BZW2: variants seen among roughly 807,000 people sequenced by gnomAD.
BZW2 encodes the protein eIF5-mimic protein 1.
Under a neutral mutation model 53.2 loss-of-function variants are expected in BZW2, and 23 were observed. The observed-to-expected ratio is 0.43, with a 90% CI of 0.31 to 0.61. The LOEUF (loss-of-function observed/expected upper bound fraction) is 0.61. Among genes scored for constraint, BZW2 ranks in the 20% least tolerant of loss-of-function variants. The probability of loss-of-function intolerance (pLI) is 0.09; values close to 1 mark genes in which losing one functional copy is unlikely to be tolerated. For missense variants in BZW2, 409 were observed against 503.1 expected (o/e 0.81, Z 1.79); for synonymous variants, 227 against 186.4 (o/e 1.22, Z -1.77).
intron 3 of BZW2, among the ~76,000 whole-genome samples, chr7:16,675,926 C>T (rs1782750347): frequency 6.6e-6 from 1 of 152,000 alleles, no homozygotes; most frequent in Non-Finnish European, 1.5e-5. Flanking sequence ...TAAAAAAATA[C>T]AAAATTTAAC....
intron 5 of BZW2, 22 bp downstream of exon 5, chr7:16,682,867 C>G (rs1782993153): frequency 6.0e-6 from 9 of 1,505,520 alleles, no homozygotes; most frequent in African/African-American, 2.8e-5. Flanking sequence ...AATATAATGC[C>G]TATCTGTTTT....
chr7:16,676,661 C>CT (rs1325326737), intron 3 of BZW2, among the ~76,000 whole-genome samples: 1 of 152,132 alleles, frequency 6.6e-6, no homozygotes, highest in Non-Finnish European at 1.5e-5. Flanking sequence ...CATTTTAAAA[C>CT]TTTAATAGTG....
At chr7:16,687,852 A>G (rs1294730694) in intron 6 of BZW2, among the ~76,000 whole-genome samples, 5 of 152,194 alleles carry the variant, frequency 3.3e-5, no homozygotes, top group Non-Finnish European at 7.3e-5. Flanking sequence ...TCTCAGTTTT[A>G]GGCTCCTAGT....
intron 1 of BZW2, among the ~76,000 whole-genome samples, chr7:16,650,889 A>G (rs1421148973): frequency 6.6e-6 from 1 of 152,214 alleles, no homozygotes; most frequent in Non-Finnish European, 1.5e-5. Flanking sequence ...TTTGTAAACT[A>G]TCTATTTTGA....
chr7:16,654,083 C>CAAAAAAAAAAAAAAAAAAAAAAAAA (rs61590306), intron 1 of BZW2, among the ~76,000 whole-genome samples: 1 of 82,534 alleles, frequency 1.2e-5, no homozygotes, highest in Admixed American at 1.8e-4. Context: ...CCCATCTCTA[C>CAAAAAAAAAAAAAAAAAAAAAAAAA]AAAAAAAAAA....
intron 3 of BZW2, among the ~76,000 whole-genome samples, chr7:16,674,851 C>T (rs867284421): frequency 4.6e-5 from 7 of 152,206 alleles, no homozygotes; most frequent in East Asian, 3.9e-4. Flanking sequence ...TCCTAAAAGC[C>T]GCCTTTCTCA....
intron 2 of BZW2, among the ~76,000 whole-genome samples, chr7:16,668,087 C>A (rs1782485107): frequency 1.3e-5 from 2 of 152,150 alleles, no homozygotes; most frequent in African/African-American, 4.8e-5. Context: ...CTAATATATG[C>A]CCAGCTATGA....
intron 7 of BZW2, among the ~76,000 whole-genome samples, chr7:16,691,613 G>A (rs149852875): frequency 6.6e-6 from 1 of 152,332 alleles, no homozygotes; most frequent in Non-Finnish European, 1.5e-5. Context: ...CCTGGCAATA[G>A]ATTGGGAAAA....
intron 1 of BZW2, among the ~76,000 whole-genome samples, chr7:16,660,134 C>T (rs1782216413): frequency 6.6e-6 from 1 of 152,006 alleles, no homozygotes; most frequent in East Asian, 1.9e-4. Flanking sequence ...TTTCCAGCTT[C>T]ATCCATGTCC....
intron 1 of BZW2, among the ~76,000 whole-genome samples, 190 bp downstream of exon 1, chr7:16,646,478 G>A (rs1018598776): frequency 1.2e-4 from 18 of 152,100 alleles, no homozygotes; most frequent in African/African-American, 3.9e-4. Flanking sequence ...GGGTATCAGT[G>A]CCCTGGGATG....
intron 6 of BZW2, 150 bp from the exon 7 acceptor site, chr7:16,689,647 A>C (rs1319277448): frequency 8.2e-6 from 4 of 487,900 alleles, no homozygotes; most frequent in Non-Finnish European, 1.4e-5. Flanking sequence ...TGAGAAGAGG[A>C]GAATTTGCCT....
intron 5 of BZW2, among the ~76,000 whole-genome samples, chr7:16,683,320 A>G (rs1308425196): frequency 6.6e-6 from 1 of 152,262 alleles, no homozygotes; most frequent in Admixed American, 6.5e-5. Flanking sequence ...AGTATGAAAG[A>G]TCATTAGCTA....
intron 1 of BZW2, among the ~76,000 whole-genome samples, chr7:16,654,374 A>T (rs573381956): frequency 2.6e-5 from 4 of 152,252 alleles, no homozygotes; most frequent in African/African-American, 9.6e-5. Flanking sequence ...GATGACTTTT[A>T]AAATAAAGAT....
At chr7:16,673,549 C>A (rs904899604) in intron 2 of BZW2, among the ~76,000 whole-genome samples, 4 of 152,086 alleles carry the variant, frequency 2.6e-5, no homozygotes, top group African/African-American at 9.6e-5. Context: ...TAAATAAATA[C>A]TATAAAATGT....
rs200606385 is a variant in BZW2, at chr7:16,682,879, T to C, written c.405+34T>C. On this transcript the variant is annotated intron_variant, in intron 5 of 11. Transcript: ENST00000258761. ...TCAAATATAATGCCTATCTGTTTTA[T>C]AGTAATGACATGGGGGTGGATAAAA... is the stretch of plus-strand genomic sequence containing the variant. 6 of 1,442,318 alleles carry C rather than the reference T, an allele frequency of 4.2e-6. No homozygotes were observed. In the African/African-American group the frequency reaches 4.3e-5, roughly 10 times the overall value. 89.3% of individuals were successfully genotyped at this position (1,442,318 alleles called of 1,614,324 possible). A position where few individuals can be genotyped will look rare whatever the true frequency, so the allele number is the denominator to read the frequency against.
intron 1 of BZW2, among the ~76,000 whole-genome samples, chr7:16,660,114 A>G (rs932367484): frequency 6.6e-6 from 1 of 151,442 alleles, no homozygotes; most frequent in African/African-American, 2.4e-5. Flanking sequence ...TAGTTTGCTG[A>G]GAATGATGGT....
rs1554264390 is a variant in BZW2, at chr7:16,656,137, C to CTATATATATATATATATATA, written c.-7-9286_-7-9285insTATATATATATATATATATA. ...TATATGTGTGTATATATATAAATGACTATATATATATATACATAAATATTT... is the reference window on the plus strand; with the variant it reads ...TATATGTGTGTATATATATAAATGACTATATATATATATATATATATATATATATATATACATAAATATTT... On this transcript the variant is annotated intron_variant, in intron 1 of 11. Coordinates refer to ENST00000258761, the MANE Select transcript of BZW2 (RefSeq NM_014038.3). Among the ~76,000 whole-genome samples, 211 of 141,506 alleles carry CTATATATATATATATATATA rather than the reference C, an allele frequency of 1.5e-3. 2 individuals carry two copies. Among genetic ancestry groups the CTATATATATATATATATATA allele is most frequent in the African/African-American group, 5.1e-3 (176 of 34,526 alleles). 92.8% of individuals were successfully genotyped at this position (141,506 alleles called of 152,430 possible). A position where few individuals can be genotyped will look rare whatever the true frequency, so the allele number is the denominator to read the frequency against.
intron 8 of BZW2, 57 bp downstream of exon 8, chr7:16,695,061 G>A: frequency 6.9e-7 from 1 of 1,439,226 alleles, no homozygotes; most frequent in Non-Finnish European, 9.3e-7. Context: ...GAATTACATG[G>A]GCTGTGTAGC....
intron 2 of BZW2, among the ~76,000 whole-genome samples, chr7:16,673,173 T>C (rs948551982): frequency 9.2e-5 from 14 of 151,994 alleles, no homozygotes; most frequent in Non-Finnish European, 1.3e-4. Flanking sequence ...GTCTCAATCT[T>C]CTGACCTCGT....
Sources: gnomAD v4.1 joint callset for allele counts (sites outside exome capture counted in the v4.1 genomes callset) on GRCh38, gnomAD v4.1.1 for gene constraint, MANE v1.5 for transcripts, NCBI Gene and HGNC (gene_info 2026-07-23, HGNC 2026-07-21) for gene names.